Variants in CUL5 observed in about 807,000 individuals in gnomAD.
CUL5 encodes the protein cullin 5.
Under a neutral mutation model 108.8 loss-of-function variants are expected in CUL5, and 26 were observed. The ratio of observed to expected loss-of-function variants is 0.24; its 90% CI spans 0.18 to 0.33. The LOEUF (loss-of-function observed/expected upper bound fraction) is 0.33, where lower values mean the gene tolerates loss of function less well. Ranked by LOEUF, CUL5 falls within the 10% of genes least tolerant of loss-of-function variation. The pLI, the probability that CUL5 is intolerant of heterozygous loss-of-function variation, is 1.00. For synonymous variants in CUL5, 334 were observed against 298.0 expected (o/e 1.12, Z -1.25); for missense variants, 524 against 909.2 (o/e 0.58, Z 5.45).
chr11:108,099,630 A>G (rs1347721971), intron 18 of CUL5, among the ~76,000 whole-genome samples: 4 of 152,214 alleles, frequency 2.6e-5, no homozygotes, highest in African/African-American at 7.2e-5. Flanking sequence ...CTTTCAAAGT[A>G]TAATTTTCAG....
At chr11:108,060,905 C>A (rs1253890107) in intron 7 of CUL5, among the ~76,000 whole-genome samples, 3 of 151,658 alleles carry the variant, frequency 2.0e-5, no homozygotes, top group Admixed American at 6.6e-5. Context: ...CCTATGAATT[C>A]ATTCATTCAA....
Position 108,069,601 on chromosome 11 carries a change from T to C in CUL5, c.781-495T>C, listed in dbSNP as rs143219751. On this transcript the variant is annotated intron_variant, in intron 7 of 18. Transcript: ENST00000393094. Reference sequence around the variant, plus strand: ...TGATGCCACTTAACTGAGTTATATTTAGTTAGCAGTGTAGGTTTACTGCCC... The same window carrying C: ...TGATGCCACTTAACTGAGTTATATTCAGTTAGCAGTGTAGGTTTACTGCCC... Among the ~76,000 whole-genome samples, 7 of 152,278 alleles carry C rather than the reference T, an allele frequency of 4.6e-5. No individual in the cohort carries two copies. The East Asian group carries it at 1.4e-3, about 29-fold the overall frequency.
Position 108,012,839 on chromosome 11 carries a change from C to T in CUL5, c.24+3467C>T, listed in dbSNP as rs1466335990. On this transcript the variant is annotated intron_variant, in intron 1 of 18. Transcript: ENST00000393094. ...CTCAAACTCCTGACCTCAAGCGATC[C>T]GCCTACCTCGGCCACCCAAAGTGTT... 4.6e-5 allele frequency among the ~76,000 whole-genome samples: 7 copies of T among 152,194 alleles called. No individual in the cohort carries two copies. The South Asian group carries it at 1.0e-3, about 23-fold the overall frequency.
intron 3 of CUL5, 45 bp from the exon 4 acceptor site, chr11:108,049,845 A>G (rs1863166154): frequency 6.6e-7 from 1 of 1,508,162 alleles, no homozygotes; most frequent in Non-Finnish European, 9.0e-7. Flanking sequence ...TTAATTTTTC[A>G]AAGCAACTGC....
intron 2 of CUL5, among the ~76,000 whole-genome samples, chr11:108,039,357 C>G (rs915045602): frequency 6.6e-6 from 1 of 152,128 alleles, no homozygotes; most frequent in Non-Finnish European, 1.5e-5. Context: ...AACACTCCTT[C>G]TGTGTCTTTC....
chr11:108,009,449 T>G, intron 1 of CUL5, 77 bp downstream of exon 1: 1 of 1,516,472 alleles, frequency 6.6e-7, no homozygotes, highest in Non-Finnish European at 9.1e-7. Flanking sequence ...CGGCTCAGGT[T>G]CAGCTGCGAA....
intron 11 of CUL5, among the ~76,000 whole-genome samples, chr11:108,083,466 C>A (rs1322294502): frequency 6.6e-6 from 1 of 152,164 alleles, no homozygotes; most frequent in Non-Finnish European, 1.5e-5. Flanking sequence ...TCTAAGGTGA[C>A]TATGTCCTAC....
chr11:108,029,833 G>A (rs564260572), intron 1 of CUL5, among the ~76,000 whole-genome samples: 1 of 152,254 alleles, frequency 6.6e-6, no homozygotes, highest in African/African-American at 2.4e-5. Context: ...CCTAACCAGT[G>A]TTTAATTTAT....
intron 10 of CUL5, among the ~76,000 whole-genome samples, chr11:108,076,355 A>T (rs569844914): frequency 6.6e-6 from 1 of 152,036 alleles, no homozygotes; most frequent in East Asian, 1.9e-4. Flanking sequence ...TACTACCTAT[A>T]GTTCTCATGC....
chr11:108,089,102 G>A (rs915013256), intron 12 of CUL5, among the ~76,000 whole-genome samples: 3 of 150,720 alleles, frequency 2.0e-5, no homozygotes, highest in Non-Finnish European at 4.4e-5. Context: ...ATACAAACAA[G>A]AAAAAAAATA....
In CUL5 at chr11:108,078,177, C is replaced by T. The variant is rs1351741708; in HGVS notation, c.1115C>T (p.Ala372Val). ...TTTATTCCAAATTATTTTTTGCAGG[C>T]GTATAAAGCAGTTGTTAATGATGCT... ...DPRFLTARDK[A>V]YKAVVNDATI... The change falls in exon 11 of 19, where the codon GCG becomes GTG. Residue 372 changes from alanine (A) to valine (V), a missense_variant and splice_region_variant. Coordinates refer to ENST00000393094, the MANE Select transcript of CUL5 (RefSeq NM_003478.6). 3 of 1,528,822 alleles carry T rather than the reference C, an allele frequency of 2.0e-6. No individual in the cohort carries two copies. The highest frequency in any genetic ancestry group is 1.2e-5 in the South Asian group (1 of 80,158). The allele number at this position is 1,528,822 out of a possible 1,614,324, so 94.7% of individuals were successfully genotyped here.
intron 11 of CUL5, among the ~76,000 whole-genome samples, chr11:108,080,024 C>T (rs1019914641): frequency 2.6e-5 from 4 of 151,836 alleles, no homozygotes; most frequent in African/African-American, 9.7e-5. Context: ...GTTCTTTTAA[C>T]TTTAGTCATT....
chr11:108,009,072 G>C lies in CUL5; in HGVS notation c.-277G>C, dbSNP rs559198563. ...CCTCTTCCAAGTCAGGTCGGCTCCCGTTACCTTCTCAGCATTCGCCGTTCC... is the reference window on the plus strand; with the variant it reads ...CCTCTTCCAAGTCAGGTCGGCTCCCCTTACCTTCTCAGCATTCGCCGTTCC... On this transcript the variant is annotated 5_prime_UTR_variant, in exon 1 of 19. Coordinates refer to ENST00000393094, the MANE Select transcript of CUL5 (RefSeq NM_003478.6). 5.7e-6 allele frequency: 3 copies of C among 521,924 alleles called. No individual in the cohort carries two copies. Among genetic ancestry groups the C allele is most frequent in the African/African-American group, 3.9e-5 (2 of 51,062 alleles). 32.3% of individuals were successfully genotyped at this position (521,924 alleles called of 1,614,324 possible). A position where few individuals can be genotyped will look rare whatever the true frequency, so the allele number is the denominator to read the frequency against.
chr11:108,042,324 T>C (rs532326705), intron 2 of CUL5, among the ~76,000 whole-genome samples: 1 of 148,114 alleles, frequency 6.8e-6, no homozygotes, highest in South Asian at 2.2e-4. Context: ...GTTCAAGCAA[T>C]TCTCATGCCT....
rs1862358440 is a variant in CUL5, at chr11:108,022,815, G to T, written c.25-10987G>T. ...TACAGTGAGCAGTGATGGTGCCACTGCACTCCAGCCTAGGTGACAGCAAGA... is the reference window on the plus strand; with the variant it reads ...TACAGTGAGCAGTGATGGTGCCACTTCACTCCAGCCTAGGTGACAGCAAGA... On this transcript the variant is annotated intron_variant, in intron 1 of 18. Transcript: ENST00000393094. Among the ~76,000 whole-genome samples the T allele has an allele frequency of 1.3e-5, 2 of 152,130 alleles. 1 individual carries two copies. The highest frequency in any genetic ancestry group is 4.1e-4 in the South Asian group (2 of 4,826).
At chr11:108,077,041 G>A (rs141264970) in intron 10 of CUL5, among the ~76,000 whole-genome samples, 1 of 152,324 alleles carries the variant, frequency 6.6e-6, no homozygotes, top group East Asian at 1.9e-4. Context: ...ATGTTTGGCA[G>A]CTTCAGCATA....
intron 7 of CUL5, among the ~76,000 whole-genome samples, chr11:108,067,691 A>G (rs1008094918): frequency 1.3e-5 from 2 of 152,210 alleles, no homozygotes; most frequent in Non-Finnish European, 2.9e-5. Flanking sequence ...ATGAAATAGA[A>G]AACACAGAGC....
At chr11:108,042,263 A>G (rs1443363244) in intron 2 of CUL5, among the ~76,000 whole-genome samples, 1 of 127,300 alleles carries the variant, frequency 7.9e-6, no homozygotes, top group African/African-American at 3.0e-5. Flanking sequence ...TCTGTTGTCC[A>G]GGCTGCAGCG....
At chr11:108,030,135 G>A (rs1862542913) in intron 1 of CUL5, among the ~76,000 whole-genome samples, 1 of 152,152 alleles carries the variant, frequency 6.6e-6, no homozygotes, top group Admixed American at 6.5e-5. Flanking sequence ...GTAATGTGAG[G>A]CCAGGCATAA....
Sources: gnomAD v4.1 joint callset for allele counts (sites outside exome capture counted in the v4.1 genomes callset) on GRCh38, gnomAD v4.1.1 for gene constraint, MANE v1.5 for transcripts, NCBI Gene and HGNC (gene_info 2026-07-23, HGNC 2026-07-21) for gene names.